Variants in PIK3CD observed in about 807,000 individuals in gnomAD.
The protein encoded by PIK3CD is phosphatidylinositol-4,5-bisphosphate 3-kinase catalytic subunit delta.
PIK3CD carries 20 observed loss-of-function variants against 122.9 expected under a neutral mutation model. That is an observed-to-expected ratio of 0.16 (90% CI 0.11 to 0.24). The LOEUF (loss-of-function observed/expected upper bound fraction) is 0.24. PIK3CD is among the 10% of genes least tolerant of loss of function. The probability of loss-of-function intolerance (pLI) is 1.00; values close to 1 mark genes in which losing one functional copy is unlikely to be tolerated. For synonymous variants in PIK3CD, 596 were observed against 593.4 expected, an observed-to-expected ratio of 1.00 and a Z score of -0.06; for missense variants, 787 against 1,406.3, an observed-to-expected ratio of 0.56 and a Z score of 7.04.
intron 1 of PIK3CD, among the ~76,000 whole-genome samples, chr1:9,683,210 G>A (rs1024356849): frequency 3.3e-5 from 5 of 151,264 alleles, no homozygotes; most frequent in African/African-American, 9.7e-5. Context: ...AGGCAGAGGC[G>A]GGCGGATCAC....
chr1:9,639,691 C>G, the PIK3CD span, among the ~76,000 whole-genome samples: 2 of 152,074 alleles, frequency 1.3e-5, no homozygotes. Context: ...CCTCTGCCTG[C>G]CCCTCAACCT....
Position 9,687,111 on chromosome 1 carries a change from T to C in PIK3CD, c.-137-4356T>C, listed in dbSNP as rs560732986. Among the ~76,000 whole-genome samples, 6 of 152,236 alleles carry C rather than the reference T, an allele frequency of 3.9e-5. No individual in the cohort carries two copies. In the South Asian group the frequency reaches 1.2e-3, roughly 32 times the overall value. On this transcript the variant is annotated intron_variant, in intron 1 of 23. Coordinates refer to ENST00000377346, the MANE Select transcript of PIK3CD (RefSeq NM_005026.5). ...ACCCCCAATTTGAACCCCCAGCGGA[T>C]CATTGGGTTCCATTGCTGATGGGGA...
intron 1 of PIK3CD, among the ~76,000 whole-genome samples, chr1:9,660,589 C>T (rs1403080502): frequency 6.6e-6 from 1 of 152,132 alleles, no homozygotes; most frequent in African/African-American, 2.4e-5. Context: ...GTCATACCAT[C>T]GTCCTTCCCA....
the PIK3CD span, among the ~76,000 whole-genome samples, chr1:9,629,012 T>A: frequency 6.6e-6 from 1 of 150,670 alleles, no homozygotes; most frequent in African/African-American, 2.4e-5. Context: ...ATGACCCAAG[T>A]GAGGGGCGGG....
Position 9,702,500 on chromosome 1 carries a change from CTTTTTTTTTTTTTTTTTTTTTT to C in PIK3CD, c.-32-7908_-32-7887del, listed in dbSNP as rs60167511. 9.7e-4 allele frequency among the ~76,000 whole-genome samples: 25 copies of C among 25,834 alleles called. 3 individuals are homozygous for C. Among genetic ancestry groups the C allele is most frequent in the South Asian group, 5.0e-3 (3 of 596 alleles). The allele number at this position is 25,834 out of a possible 152,430, so 16.9% of individuals were successfully genotyped here. A position where few individuals can be genotyped will look rare whatever the true frequency, so the allele number is the denominator to read the frequency against. On this transcript the variant is annotated intron_variant, in intron 2 of 23. Coordinates refer to ENST00000377346, the MANE Select transcript of PIK3CD (RefSeq NM_005026.5). ...GTCCACTTCCAAGGAAAGAACTTTC[CTTTTTTTTTTTTTTTTTTTTTT>C]TTTTTTTTTTTTTTTGAGGCAGAGT...
intron 15 of PIK3CD, 25 bp downstream of exon 15, chr1:9,721,612 C>G: frequency 6.2e-7 from 1 of 1,612,060 alleles, no homozygotes; most frequent in South Asian, 1.1e-5. Flanking sequence ...CCCAGCCGTT[C>G]TGTGGGAATC....
intron 2 of PIK3CD, among the ~76,000 whole-genome samples, chr1:9,706,981 T>TTC (rs1646858343): frequency 1.3e-5 from 2 of 151,092 alleles, no homozygotes; most frequent in Admixed American, 6.6e-5. Flanking sequence ...ATTTTTAATT[T>TTC]TTTTTTTTTT....
At chr1:9,653,696 G>A (rs1006003558) in intron 1 of PIK3CD, 2 of 800,032 alleles carry the variant, frequency 2.5e-6, no homozygotes, top group African/African-American at 1.8e-5. Context: ...CCAAACGCAA[G>A]GAGATATAAA....
chr1:9,688,591 G>A (rs1448293821), intron 1 of PIK3CD, among the ~76,000 whole-genome samples: 4 of 152,168 alleles, frequency 2.6e-5, no homozygotes, highest in African/African-American at 9.7e-5. Context: ...TTGGGAGGCT[G>A]ACGCGGTAGG....
rs1649196447 is a variant in PIK3CD, at chr1:9,724,550, T to C, written c.2864+129T>C. On this transcript the variant is annotated intron_variant, in intron 22 of 23. Transcript: ENST00000377346. This position sits in a 1 kb window ranked among gnomAD's most constrained non-coding sequence, Gnocchi z 7.3. ...CACACCTGGCCCCTCACCCCAACTG[T>C]TGATGGGTTTGGAACATGCCCCTGC... 6.2e-6 allele frequency: 7 copies of C among 1,136,726 alleles called. No individual in the cohort carries two copies. The East Asian group carries it at 1.4e-4, about 23-fold the overall frequency. 70.4% of individuals were successfully genotyped at this position (1,136,726 alleles called of 1,614,324 possible). A position where few individuals can be genotyped will look rare whatever the true frequency, so the allele number is the denominator to read the frequency against.
chr1:9,665,039 C>T (rs1645116212), intron 1 of PIK3CD, among the ~76,000 whole-genome samples: 1 of 151,608 alleles, frequency 6.6e-6, no homozygotes. Context: ...CCCTGTCCTA[C>T]AAAAAATAAA....
intron 1 of PIK3CD, among the ~76,000 whole-genome samples, chr1:9,657,943 C>G (rs982846489): frequency 6.6e-6 from 1 of 151,990 alleles, no homozygotes; most frequent in Non-Finnish European, 1.5e-5. Context: ...GGGTGAGGTG[C>G]TCCAGGGCTC....
chr1:9,647,809 C>A (rs1000088267), upstream of PIK3CD, among the ~76,000 whole-genome samples: 1 of 152,050 alleles, frequency 6.6e-6, no homozygotes, highest in African/African-American at 2.4e-5. Flanking sequence ...AATTGGGAGT[C>A]CCTCAGAACC....
intron 1 of PIK3CD, among the ~76,000 whole-genome samples, chr1:9,656,803 C>T (rs1644868897): frequency 6.6e-6 from 1 of 151,926 alleles, no homozygotes; most frequent in Non-Finnish European, 1.5e-5. Context: ...ATTAGCCAGG[C>T]GTGGTGGCAC....
rs142856714 is a variant in PIK3CD at position 9,677,877 on chromosome 1, G to A, written c.-137-13590G>A. 6.6e-3 allele frequency among the ~76,000 whole-genome samples: 1,005 copies of A among 151,858 alleles called. 10 individuals carry two copies. The highest frequency in any genetic ancestry group is 0.022 in the African/African-American group (920 of 41,480). ...AGAAAAAAAAGAATCTGGGCCGGGCGTGGTGGCTCATGCCTGTAATCCCAG... is the reference window on the plus strand; with the variant it reads ...AGAAAAAAAAGAATCTGGGCCGGGCATGGTGGCTCATGCCTGTAATCCCAG... On this transcript the variant is annotated intron_variant, in intron 1 of 23. Coordinates refer to ENST00000377346, the MANE Select transcript of PIK3CD (RefSeq NM_005026.5).
chr1:9,658,711 G>T (rs548740354), intron 1 of PIK3CD, among the ~76,000 whole-genome samples: 1 of 151,912 alleles, frequency 6.6e-6, no homozygotes. Context: ...TGTATTTTTA[G>T]TAGAGACAGG....
In PIK3CD at chr1:9,716,510, A is replaced by T; in HGVS notation, c.671A>T (p.Lys224Met). 1 of 1,610,904 alleles carries T rather than the reference A, an allele frequency of 6.2e-7. No homozygotes were observed. Among genetic ancestry groups the T allele is most frequent in the Middle Eastern group, 2.2e-4 (1 of 4,516 alleles). ...CTGATGGCCTGTGCCCTGCGGAAGA[A>T]GGCCACAGTGTTCCGGCAGCCGCTG... ...LALMACALRK[K>M]ATVFRQPLVE... The change falls in exon 6 of 24, where the codon AAG (lysine) becomes ATG (methionine). Residue 224 changes from lysine to methionine, a missense_variant. Transcript: ENST00000377346.
upstream of PIK3CD, among the ~76,000 whole-genome samples, chr1:9,648,608 G>C (rs555244549): frequency 6.6e-6 from 1 of 152,346 alleles, no homozygotes; most frequent in Non-Finnish European, 1.5e-5. Context: ...AAACAGGCTA[G>C]AGACCGCTGC....
In PIK3CD at chr1:9,720,380, C is replaced by T; in HGVS notation, c.1470+138C>T. 1 of 1,371,758 alleles carries T rather than the reference C, an allele frequency of 7.3e-7. No individual in the cohort carries two copies. The highest frequency in any genetic ancestry group is 1.4e-5 in the South Asian group (1 of 69,250). 85.0% of individuals were successfully genotyped at this position (1,371,758 alleles called of 1,614,324 possible). ...GGCATATCTGGGGCCTTCCCAGGGG[C>T]CATTTTGCCTGCAGGGATGCTGCGC... On this transcript the variant is annotated intron_variant, in intron 11 of 23. Transcript: ENST00000377346. The surrounding 1 kb of genome is among the most constrained non-coding windows in gnomAD (Gnocchi z 9.0).
Sources: allele counts gnomAD v4.1 joint callset (sites outside exome capture counted in the v4.1 genomes callset), GRCh38; gene constraint gnomAD v4.1.1; non-coding constraint Gnocchi (gnomAD v3.1); transcripts MANE v1.5; gene names NCBI Gene and HGNC (gene_info 2026-07-23, HGNC 2026-07-21).